CCDC91: variants seen among roughly 807,000 people sequenced by gnomAD.
CCDC91 encodes coiled-coil domain-containing protein 91.
A neutral mutation model predicts 63.2 loss-of-function variants in CCDC91; 48 were observed. The observed-to-expected ratio is 0.76, with a 90% CI of 0.60 to 0.97. The LOEUF (loss-of-function observed/expected upper bound fraction) is 0.97, where lower values mean the gene tolerates loss of function less well. CCDC91 is among the 50% of genes least tolerant of loss of function. CCDC91 has a pLI of 0.00. For missense variants in CCDC91, 500 were observed against 494.6 expected, an observed-to-expected ratio of 1.01 and a Z score of -0.10; for synonymous variants, 167 against 165.8, an observed-to-expected ratio of 1.01 and a Z score of -0.06.
intron 8 of CCDC91, among the ~76,000 whole-genome samples, chr12:28,428,909 A>C (rs1234781854): frequency 6.6e-6 from 1 of 152,174 alleles, no homozygotes; most frequent in African/African-American, 2.4e-5. Context: ...AGGAGTGGGC[A>C]GGGAGTCTAA....
Position 28,305,819 on chromosome 12 carries a change from A to C in CCDC91, c.267+13A>C, listed in dbSNP as rs200192458. 1 of 1,597,820 alleles carries C rather than the reference A, an allele frequency of 6.3e-7. No individual in the cohort carries two copies. The highest frequency in any genetic ancestry group is 1.3e-5 in the African/African-American group (1 of 74,250). ...TCCAAAAGCACAGGTAAAGACAAACATATTTTTAAAGGAGGTTTGCATATT... is the reference window on the plus strand; with the variant it reads ...TCCAAAAGCACAGGTAAAGACAAACCTATTTTTAAAGGAGGTTTGCATATT... On this transcript the variant is annotated intron_variant, in intron 4 of 12. Coordinates refer to ENST00000536442, the MANE Select transcript of CCDC91 (RefSeq NM_018318.5).
chr12:28,518,118 A>G (rs764033644), intron 12 of CCDC91, among the ~76,000 whole-genome samples: 1 of 151,936 alleles, frequency 6.6e-6, no homozygotes, highest in Non-Finnish European at 1.5e-5. Context: ...ATCTTTTCAT[A>G]TGATGACTTA....
intron 8 of CCDC91, among the ~76,000 whole-genome samples, chr12:28,406,810 A>ATTTTT (rs375722489): frequency 0.012 from 1,705 of 148,176 alleles, 38 homozygotes; most frequent in African/African-American, 0.039. Flanking sequence ...GATTTTAACT[A>ATTTTT]TTTTTTTTTG....
At chr12:28,387,764 C>T (rs902377227) in intron 7 of CCDC91, among the ~76,000 whole-genome samples, 8 of 152,080 alleles carry the variant, frequency 5.3e-5, no homozygotes, top group South Asian at 4.1e-4. Context: ...ATATTTATAC[C>T]GCAGTTTCTT....
chr12:28,434,555 G>T (rs1193313781), intron 8 of CCDC91, among the ~76,000 whole-genome samples: 2 of 108,540 alleles, frequency 1.8e-5, no homozygotes, highest in East Asian at 2.9e-4. Context: ...TGTTCATACT[G>T]TTCTGCAGTT....
chr12:28,480,412 A>G (rs1472190477), intron 11 of CCDC91, among the ~76,000 whole-genome samples: 1 of 152,004 alleles, frequency 6.6e-6, no homozygotes, highest in African/African-American at 2.4e-5. Context: ...GTTTCTGTGC[A>G]TTTATATTTT....
intron 12 of CCDC91, among the ~76,000 whole-genome samples, chr12:28,539,422 A>G (rs1258034027): frequency 6.6e-6 from 1 of 152,012 alleles, no homozygotes; most frequent in Non-Finnish European, 1.5e-5. Context: ...GTTGTAGATA[A>G]GTGGCATTAT....
chr12:28,429,928 T>C (rs1177820572), intron 8 of CCDC91, among the ~76,000 whole-genome samples: 3 of 152,072 alleles, frequency 2.0e-5, no homozygotes, highest in Non-Finnish European at 2.9e-5. Flanking sequence ...GTAGAATCTT[T>C]AGTGGAAATT....
chr12:28,449,548 G>A (rs1056868092), intron 8 of CCDC91, among the ~76,000 whole-genome samples: 1 of 151,948 alleles, frequency 6.6e-6, no homozygotes, highest in Non-Finnish European at 1.5e-5. Context: ...TGATAGTTAT[G>A]TGAGCTTTTT....
intron 12 of CCDC91, among the ~76,000 whole-genome samples, chr12:28,548,720 A>G (rs1200917671): frequency 2.0e-5 from 3 of 152,050 alleles, no homozygotes; most frequent in Non-Finnish European, 4.4e-5. Flanking sequence ...TGTTACTTGT[A>G]TCTGTAATAT....
At chr12:28,276,015 A>G (rs1021946025) in intron 3 of CCDC91, among the ~76,000 whole-genome samples, 5 of 152,124 alleles carry the variant, frequency 3.3e-5, no homozygotes, top group African/African-American at 7.2e-5. Flanking sequence ...AGCCAATATC[A>G]TACTGAATGG....
chr12:28,286,122 A>G (rs1948900550), intron 3 of CCDC91, among the ~76,000 whole-genome samples: 1 of 152,028 alleles, frequency 6.6e-6, no homozygotes. Context: ...AGAGCTAAGT[A>G]TATATTTAAG....
intron 11 of CCDC91, among the ~76,000 whole-genome samples, chr12:28,461,653 C>T (rs1337444685): frequency 6.6e-6 from 1 of 151,998 alleles, no homozygotes; most frequent in East Asian, 1.9e-4. Flanking sequence ...ATTTTGTTAA[C>T]TTTTAACCTA....
intron 8 of CCDC91, 61 bp downstream of exon 8, chr12:28,391,472 G>A: frequency 3.0e-6 from 3 of 990,650 alleles, no homozygotes; most frequent in East Asian, 5.0e-5. Context: ...TCCCCTGAGA[G>A]CTCTATAACT....
intron 11 of CCDC91, among the ~76,000 whole-genome samples, chr12:28,471,222 T>C (rs1018508319): frequency 2.0e-5 from 3 of 152,182 alleles, no homozygotes; most frequent in Non-Finnish European, 4.4e-5. Flanking sequence ...AAAAACAATG[T>C]GCAAATTATG....
chr12:28,369,240 G>A lies in CCDC91; in HGVS notation c.654+6725G>A, dbSNP rs574733646. 3.9e-5 allele frequency among the ~76,000 whole-genome samples: 6 copies of A among 152,296 alleles called. No homozygotes were observed. The South Asian group carries it at 1.0e-3, about 26-fold the overall frequency. On this transcript the variant is annotated intron_variant, in intron 7 of 12. Coordinates refer to ENST00000536442, the MANE Select transcript of CCDC91 (RefSeq NM_018318.5). The stretch of plus-strand genomic sequence containing the variant: ...TAGTTACTTCCAAGATACAGTGGTA[G>A]TACAGGCATTGGTAAATGCTCCCAT...
intron 11 of CCDC91, among the ~76,000 whole-genome samples, chr12:28,456,426 A>T (rs1044269201): frequency 1.3e-5 from 2 of 152,152 alleles, no homozygotes; most frequent in Non-Finnish European, 2.9e-5. Flanking sequence ...TTCATTTCAT[A>T]TAAGTCAATT....
Position 28,484,143 on chromosome 12 carries a change from A to T in CCDC91, c.1193A>T (p.Glu398Val), listed in dbSNP as rs766961279. ...AVKRTRDELIEYIKEQKRLDQ... is the reference protein window; with the variant it reads ...AVKRTRDELIVYIKEQKRLDQ... ...AAAAGAACAAGAGATGAATTGATAGAGTATATAAAAGAACAGAAAAGGGTA... is the reference window on the plus strand; with the variant it reads ...AAAAGAACAAGAGATGAATTGATAGTGTATATAAAAGAACAGAAAAGGGTA... The change falls in exon 12 of 13, where the codon GAG becomes GTG. Residue 398 changes from glutamate to valine, a missense_variant. Coordinates refer to ENST00000536442, the MANE Select transcript of CCDC91 (RefSeq NM_018318.5). The T allele has an allele frequency of 1.9e-6, 3 of 1,605,396 alleles. No homozygotes were observed. The South Asian group carries it at 3.3e-5, about 18-fold the overall frequency.
intron 8 of CCDC91, among the ~76,000 whole-genome samples, chr12:28,394,946 G>A (rs1376161295): frequency 1.3e-5 from 2 of 152,038 alleles, no homozygotes; most frequent in Non-Finnish European, 2.9e-5. Context: ...CATCAGATGT[G>A]CAATAGTGCT....
Sources: gnomAD v4.1 joint callset for allele counts (sites outside exome capture counted in the v4.1 genomes callset) on GRCh38, gnomAD v4.1.1 for gene constraint, MANE v1.5 for transcripts, NCBI Gene and HGNC (gene_info 2026-07-23, HGNC 2026-07-21) for gene names.